Variants in MSN observed in about 807,000 individuals in gnomAD.
MSN encodes the protein moesin.
MSN carries 2 observed loss-of-function variants against 48.0 expected under a neutral mutation model. The observed-to-expected ratio is 0.04, with a 90% CI of 0.02 to 0.13. The LOEUF (loss-of-function observed/expected upper bound fraction) is 0.13, where lower values mean the gene tolerates loss of function less well. Ranked by LOEUF, MSN falls within the 10% of genes least tolerant of loss-of-function variation. MSN has a pLI of 1.00. For synonymous variants in MSN, 146 were observed against 166.9 expected (o/e 0.87, Z 0.97); for missense variants, 267 against 470.1 (o/e 0.57, Z 3.99).
intron 1 of MSN, among the ~76,000 whole-genome samples, chrX:65,623,411 G>C (rs1486178036): frequency 1.1e-5 from 1 of 93,539 alleles, no homozygotes; most frequent in Non-Finnish European, 2.1e-5. Context: ...TCTGGCTTTA[G>C]TATCAGGTTA....
rs377628723 is a variant in MSN, at chrX:65,617,450, C to G, written c.-22+28838C>G. 3.4e-4 allele frequency among the ~76,000 whole-genome samples: 35 copies of G among 102,999 alleles called. No individual in the cohort carries two copies. The East Asian group carries it at 8.7e-3, about 26-fold the overall frequency. 89.4% of individuals were successfully genotyped at this position (102,999 alleles called of 115,157 possible). On this transcript the variant is annotated intron_variant, in intron 1 of 3. Transcript: ENST00000609672. ...TTAGTCTTGGGAGAGTGTATGTGTC[C>G]AGGAATTTATGCATTTCTTCTAGAT...
chrX:65,687,305 G>A (rs766244425), intron 1 of MSN, among the ~76,000 whole-genome samples: 1 of 111,685 alleles, frequency 9.0e-6, no homozygotes, highest in Admixed American at 9.6e-5. Flanking sequence ...CTGAGATTGA[G>A]CCACTGCACT....
At position 65,594,482 on chromosome X, in the gene MSN, G is replaced by A. The variant is rs181602200; in HGVS notation, c.-22+5870G>A. Among the ~76,000 whole-genome samples, 550 of 111,633 alleles carry A rather than the reference G, an allele frequency of 4.9e-3. 2 individuals are homozygous for A. The highest frequency in any genetic ancestry group is 0.016 in the African/African-American group (484 of 30,676). ...AATGGAAAGCCTTGGAAGCTTGAATGAGTAGGCTTGGATATTAGGGTTGAA... is the reference window on the plus strand; with the variant it reads ...AATGGAAAGCCTTGGAAGCTTGAATAAGTAGGCTTGGATATTAGGGTTGAA... On this transcript the variant is annotated intron_variant, in intron 1 of 3. Coordinates refer to the MSN transcript ENST00000609672.
chrX:65,739,593 G>T (rs2071715274), intron 12 of MSN, 136 bp from the exon 13 acceptor site: 2 of 708,937 alleles, frequency 2.8e-6, no homozygotes, highest in Non-Finnish European at 4.0e-6. Flanking sequence ...AGTTGGAAAT[G>T]ACTCTCAATA....
At chrX:65,667,548 C>A (rs1370933985), upstream of MSN, 4 of 733,646 alleles carry the variant, frequency 5.5e-6, no homozygotes, top group East Asian at 8.7e-5. Flanking sequence ...CCTGGCCAGG[C>A]GGGGCTGGGC....
At chrX:65,608,661 T>C (rs184043743) in intron 1 of MSN, among the ~76,000 whole-genome samples, 141 of 110,817 alleles carry the variant, frequency 1.3e-3, no homozygotes, top group Non-Finnish European at 1.0e-3. Context: ...TGGGGAACAT[T>C]GAGGTGAGGT....
chrX:65,616,756 G>C lies in MSN; in HGVS notation c.-22+28144G>C, dbSNP rs1347510870. 9.4e-5 allele frequency among the ~76,000 whole-genome samples: 10 copies of C among 106,369 alleles called. No individual in the cohort carries two copies. The South Asian group carries it at 4.2e-3, about 45-fold the overall frequency. The allele number at this position is 106,369 out of a possible 115,157, so 92.4% of individuals were successfully genotyped here. ...TTCCAACACTATGTTGAATAGGAGT[G>C]GTGAGAGAGGGCATCCCTGTCTTGT... On this transcript the variant is annotated intron_variant, in intron 1 of 3. Transcript: ENST00000609672.
chrX:65,643,273 C>A lies in MSN; in HGVS notation c.-22+54661C>A, dbSNP rs139302613. Among the ~76,000 whole-genome samples the A allele has an allele frequency of 1.7e-3, 192 of 111,176 alleles. 2 individuals are homozygous for A. The highest frequency in any genetic ancestry group is 6.1e-3 in the African/African-American group (186 of 30,606). On this transcript the variant is annotated intron_variant, in intron 1 of 3. Coordinates refer to the MSN transcript ENST00000609672. ...TCCTTTGCAAAAATGCCAATGATTC[C>A]GGGAAGAGGATCACCTTAAGCTGCC...
intron 1 of MSN, among the ~76,000 whole-genome samples, chrX:65,643,533 A>G (rs1219081602): frequency 8.9e-6 from 1 of 111,877 alleles, no homozygotes; most frequent in Non-Finnish European, 1.9e-5. Flanking sequence ...GCTTTTAAAA[A>G]TATTGATGCT....
chrX:65,676,132 T>C (rs778896614), intron 1 of MSN, among the ~76,000 whole-genome samples: 1 of 112,194 alleles, frequency 8.9e-6, no homozygotes, highest in African/African-American at 3.2e-5. Context: ...AGGGTGGAGA[T>C]GGCAGGGAGG....
intron 1 of MSN, among the ~76,000 whole-genome samples, chrX:65,698,667 G>A (rs1422788286): frequency 1.8e-5 from 2 of 112,133 alleles, no homozygotes; most frequent in Admixed American, 9.4e-5. Context: ...AGGGTGGGGC[G>A]CCGGCCTTCC....
At chrX:65,660,662 G>C (rs1329959922) in intron 1 of MSN, among the ~76,000 whole-genome samples, 4 of 109,247 alleles carry the variant, frequency 3.7e-5, no homozygotes, top group Admixed American at 9.7e-5. Context: ...CACCTCCTGG[G>C]TTCAAGCAAT....
intron 1 of MSN, among the ~76,000 whole-genome samples, chrX:65,700,092 T>C (rs1429921756): frequency 8.9e-6 from 1 of 112,186 alleles, no homozygotes; most frequent in Non-Finnish European, 1.9e-5. Flanking sequence ...CCAGAGACCC[T>C]GGAAGAATCT....
intron 1 of MSN, among the ~76,000 whole-genome samples, chrX:65,595,044 G>C (rs6653221): frequency 0.24 from 26,494 of 110,889 alleles, 7,714 homozygotes; most frequent in African/African-American, 0.83. Flanking sequence ...CACAAATCCT[G>C]TAGACAGTAG....
chrX:65,706,302 CAGTGTG>C (rs888404653), intron 1 of MSN, among the ~76,000 whole-genome samples: 1 of 111,581 alleles, frequency 9.0e-6, no homozygotes, highest in African/African-American at 3.3e-5. Context: ...CTGATGAAGG[CAGTGTG>C]AGTGACGCTG....
intron 1 of MSN, among the ~76,000 whole-genome samples, chrX:65,672,526 G>A (rs899145520): frequency 3.6e-5 from 4 of 111,642 alleles, no homozygotes; most frequent in Non-Finnish European, 7.5e-5. Context: ...TCAATTCCAG[G>A]TTCTAATCTG....
At chrX:65,627,283 T>C (rs1315583799) in intron 1 of MSN, among the ~76,000 whole-genome samples, 2 of 108,961 alleles carry the variant, frequency 1.8e-5, no homozygotes, top group African/African-American at 3.3e-5. Flanking sequence ...TATGTATTAG[T>C]CCATATGTAT....
At chrX:65,670,481 T>C (rs762116631) in intron 1 of MSN, among the ~76,000 whole-genome samples, 1 of 110,766 alleles carries the variant, frequency 9.0e-6, no homozygotes, top group East Asian at 2.9e-4. Flanking sequence ...TCCCAGCACT[T>C]TGGGAGGCCG....
intron 1 of MSN, among the ~76,000 whole-genome samples, chrX:65,676,643 A>T (rs1367676520): frequency 9.0e-6 from 1 of 111,366 alleles, no homozygotes; most frequent in Non-Finnish European, 1.9e-5. Context: ...AGGAGGGGGA[A>T]CAAGGCATAC....
Sources: gnomAD v4.1 joint callset for allele counts (sites outside exome capture counted in the v4.1 genomes callset) on GRCh38, gnomAD v4.1.1 for gene constraint, MANE v1.5 for transcripts, NCBI Gene and HGNC (gene_info 2026-07-23, HGNC 2026-07-21) for gene names.